Variants in TRIQK observed in about 807,000 individuals in gnomAD.
TRIQK encodes the protein triple QxxK/R motif-containing protein.
A neutral mutation model predicts 10.8 loss-of-function variants in TRIQK; 10 were observed. That is an observed-to-expected ratio of 0.92 (90% CI 0.57 to 1.57). The LOEUF (loss-of-function observed/expected upper bound fraction) is 1.57. Among genes scored for constraint, TRIQK ranks in the 40% most tolerant of loss-of-function variants. The probability of loss-of-function intolerance (pLI) is 0.00; values close to 1 mark genes in which losing one functional copy is unlikely to be tolerated. For missense variants in TRIQK, 107 were observed against 97.7 expected, an observed-to-expected ratio of 1.09 and a Z score of -0.40; for synonymous variants, 33 against 33.7, an observed-to-expected ratio of 0.98 and a Z score of 0.07.
chr8:92,960,452 A>G (rs577820707), intron 1 of TRIQK: 124 of 152,266 alleles, frequency 8.1e-4, no homozygotes, highest in African/African-American at 2.9e-3. Flanking sequence ...ATGTTCCCCC[A>G]ATCCAAAAAT....
chr8:92,930,502 C>A (rs1810664333), intron 2 of TRIQK, among the ~76,000 whole-genome samples: 1 of 151,478 alleles, frequency 6.6e-6, no homozygotes, highest in Non-Finnish European at 1.5e-5. Context: ...AAACACATAT[C>A]CAAACATGTA....
chr8:93,010,011 C>G (rs1284988909), intron 1 of TRIQK, among the ~76,000 whole-genome samples: 1 of 152,034 alleles, frequency 6.6e-6, no homozygotes, highest in Non-Finnish European at 1.5e-5. Context: ...TAAAATTAGC[C>G]AGACATAGAA....
At chr8:92,986,863 AG>A (rs1218209705) in intron 1 of TRIQK, among the ~76,000 whole-genome samples, 1 of 152,198 alleles carries the variant, frequency 6.6e-6, no homozygotes, top group Non-Finnish European at 1.5e-5. Context: ...GTGCCATCTA[AG>A]GATGATAGTT....
chr8:93,008,777 G>A (rs190538959), intron 1 of TRIQK, among the ~76,000 whole-genome samples: 17 of 152,170 alleles, frequency 1.1e-4, no homozygotes, highest in South Asian at 6.2e-4. Flanking sequence ...ATTATACATC[G>A]ACATGCAAAA....
intron 2 of TRIQK, among the ~76,000 whole-genome samples, chr8:92,950,153 G>T (rs1404285921): frequency 1.3e-5 from 2 of 152,106 alleles, no homozygotes; most frequent in Non-Finnish European, 2.9e-5. Flanking sequence ...GTTCACACAT[G>T]TTTGAAACTC....
At chr8:92,974,385 G>T (rs1287068597) in intron 1 of TRIQK, 1 of 152,244 alleles carries the variant, frequency 6.6e-6, no homozygotes, top group Non-Finnish European at 1.5e-5. Context: ...AAGCTCTTCA[G>T]TCTGAATCTT....
Position 92,883,592 on chromosome 8 carries a change from A to G in TRIQK, c.*3030T>C, listed in dbSNP as rs1016878981. ...ATTCAAACTTTTTTATCATTTACACAAAGAAACTGTGACAGACTCTGAGAG... is the reference window on the plus strand; with the variant it reads ...ATTCAAACTTTTTTATCATTTACACGAAGAAACTGTGACAGACTCTGAGAG... On this transcript the variant is annotated 3_prime_UTR_variant, in exon 5 of 5. Coordinates refer to ENST00000521988, the MANE Select transcript of TRIQK (RefSeq NM_001171797.2). 8.6e-5 allele frequency: 13 copies of G among 151,798 alleles called. No homozygotes were observed. The South Asian group carries it at 2.7e-3, about 32-fold the overall frequency. 9.4% of individuals were successfully genotyped at this position (151,798 alleles called of 1,614,324 possible).
chr8:92,960,150 A>C (rs1310461099), intron 1 of TRIQK, among the ~76,000 whole-genome samples: 1 of 151,838 alleles, frequency 6.6e-6, no homozygotes, highest in African/African-American at 2.4e-5. Flanking sequence ...TTATTTTTAA[A>C]ATTATTTTTC....
At chr8:92,971,034 G>A (rs970097324), upstream of TRIQK, among the ~76,000 whole-genome samples, 13 of 151,930 alleles carry the variant, frequency 8.6e-5, no homozygotes, top group South Asian at 4.2e-4. Context: ...TTTTTCCAGC[G>A]CTGTTTATTA....
rs138553663 is a variant in TRIQK at position 92,889,175 on chromosome 8, C to T, written c.148-2440G>A. Among the ~76,000 whole-genome samples the T allele has an allele frequency of 3.5e-3, 533 of 151,700 alleles. 24 individuals carry two copies. The East Asian group carries it at 0.074, about 21-fold the overall frequency. On this transcript the variant is annotated intron_variant, in intron 4 of 4. Coordinates refer to ENST00000521988, the MANE Select transcript of TRIQK (RefSeq NM_001171797.2). ...GAAATTGCTAACTGTTCCCTTAAAA[C>T]GCTATTACTAAACATACATTTACAA...
At chr8:92,937,750 T>C (rs768130190) in intron 2 of TRIQK, among the ~76,000 whole-genome samples, 6 of 151,894 alleles carry the variant, frequency 4.0e-5, no homozygotes, top group Non-Finnish European at 8.8e-5. Context: ...AATATTATAC[T>C]ACTCTACATA....
chr8:92,938,527 G>A (rs1487633774), intron 2 of TRIQK, among the ~76,000 whole-genome samples: 5 of 152,058 alleles, frequency 3.3e-5, no homozygotes, highest in South Asian at 4.2e-4. Context: ...TAGATGTATC[G>A]TTTTGTAATT....
intron 4 of TRIQK, among the ~76,000 whole-genome samples, chr8:92,888,937 T>G (rs887485891): frequency 4.6e-5 from 7 of 151,646 alleles, no homozygotes; most frequent in Non-Finnish European, 1.0e-4. Flanking sequence ...AAAAAGTTGG[T>G]GATGCTGTAA....
At chr8:92,917,131 C>A in intron 2 of TRIQK, 121 bp from the exon 3 acceptor site, 1 of 435,084 alleles carries the variant, frequency 2.3e-6, no homozygotes, top group South Asian at 8.2e-5. Context: ...TGACTTATTT[C>A]CATTAAATAT....
At chr8:92,991,805 G>T (rs996476269) in intron 1 of TRIQK, among the ~76,000 whole-genome samples, 4 of 152,110 alleles carry the variant, frequency 2.6e-5, no homozygotes, top group Admixed American at 2.6e-4. Flanking sequence ...CTTTAGCAAA[G>T]TCTCAGGATA....
At chr8:92,894,598 T>C (rs1808494654) in intron 3 of TRIQK, among the ~76,000 whole-genome samples, 1 of 152,116 alleles carries the variant, frequency 6.6e-6, no homozygotes, top group Admixed American at 6.6e-5. Context: ...AGAGAAAAAC[T>C]TGGTAATTCA....
At chr8:93,012,454 C>T (rs1035922788) in intron 1 of TRIQK, among the ~76,000 whole-genome samples, 4 of 152,072 alleles carry the variant, frequency 2.6e-5, no homozygotes, top group Admixed American at 2.0e-4. Flanking sequence ...TTCAGAAAAG[C>T]CAACTCTTCA....
chr8:92,904,396 A>C (rs920841269), intron 3 of TRIQK, among the ~76,000 whole-genome samples: 1 of 152,182 alleles, frequency 6.6e-6, no homozygotes, highest in Non-Finnish European at 1.5e-5. Context: ...CTATATGATG[A>C]ATAACTTTGT....
At chr8:92,977,394 A>G (rs1052825033) in intron 1 of TRIQK, among the ~76,000 whole-genome samples, 3 of 151,582 alleles carry the variant, frequency 2.0e-5, no homozygotes, top group African/African-American at 7.3e-5. Flanking sequence ...TTTCAAATCG[A>G]TTTTTTTGCT....
Sources: gnomAD v4.1 joint callset for allele counts (sites outside exome capture counted in the v4.1 genomes callset) on GRCh38, gnomAD v4.1.1 for gene constraint, MANE v1.5 for transcripts, NCBI Gene and HGNC (gene_info 2026-07-23, HGNC 2026-07-21) for gene names.